NOS1AP: variants seen among roughly 807,000 people sequenced by gnomAD.
The protein encoded by NOS1AP is carboxyl-terminal PDZ ligand of neuronal nitric oxide synthase protein.
NOS1AP carries 21 observed loss-of-function variants against 56.2 expected under a neutral mutation model. That is an observed-to-expected ratio of 0.37 (90% CI 0.26 to 0.54). NOS1AP has a LOEUF of 0.54. NOS1AP is among the 20% of genes least tolerant of loss of function. NOS1AP has a pLI of 0.84. For missense variants in NOS1AP, 522 were observed against 657.8 expected, an observed-to-expected ratio of 0.79 and a Z score of 2.26; for synonymous variants, 270 against 274.6, an observed-to-expected ratio of 0.98 and a Z score of 0.17.
At position 162,287,701 on chromosome 1, in the gene NOS1AP, T is replaced by C. The variant is rs59636124; in HGVS notation, c.270+265T>C. Among the ~76,000 whole-genome samples the C allele has an allele frequency of 0.076, 11,442 of 151,338 alleles. 501 individuals carry two copies. The highest frequency in any genetic ancestry group is 0.11 in the Middle Eastern group (31 of 294). On this transcript the variant is annotated intron_variant, in intron 3 of 9. Coordinates refer to ENST00000361897, the MANE Select transcript of NOS1AP (RefSeq NM_014697.3). The stretch of plus-strand genomic sequence containing the variant: ...CTGTCATCCATGCCTTCAACCCCCC[T>C]CCCCATTTTCATACCTTTATCTTTG...
chr1:162,100,967 T>C (rs1647237607), intron 1 of NOS1AP, among the ~76,000 whole-genome samples: 1 of 152,256 alleles, frequency 6.6e-6, no homozygotes, highest in South Asian at 2.1e-4. Flanking sequence ...AAGTTTTGCT[T>C]CTGTTGCAAT....
intron 5 of NOS1AP, 24 bp from the exon 6 acceptor site, chr1:162,343,811 G>C (rs1557886002): frequency 1.2e-6 from 2 of 1,614,070 alleles, no homozygotes; most frequent in Middle Eastern, 1.7e-4. Flanking sequence ...CACCCATCCT[G>C]TTCTTCTCCT....
intron 5 of NOS1AP, chr1:162,342,556 A>G (rs371526380): frequency 1.4e-5 from 7 of 486,072 alleles, no homozygotes; most frequent in East Asian, 6.1e-5. Flanking sequence ...GATAGTAATA[A>G]GAAAGATGAG....
chr1:162,219,459 C>G (rs144556537), intron 2 of NOS1AP, among the ~76,000 whole-genome samples: 8 of 152,266 alleles, frequency 5.3e-5, no homozygotes, highest in South Asian at 2.1e-4. Flanking sequence ...TGTTCCTCTA[C>G]TGAGGTGGGG....
chr1:162,339,684 A>G (rs1003902513), intron 5 of NOS1AP, among the ~76,000 whole-genome samples: 2 of 152,248 alleles, frequency 1.3e-5, no homozygotes, highest in Non-Finnish European at 2.9e-5. Context: ...GACATGGCTA[A>G]TTAATGATAA....
At chr1:162,235,764 A>G (rs1653271222) in intron 2 of NOS1AP, among the ~76,000 whole-genome samples, 3 of 152,254 alleles carry the variant, frequency 2.0e-5, no homozygotes, top group African/African-American at 7.2e-5. Context: ...CTTGGTCCAC[A>G]TGGGGCCAGT....
At chr1:162,103,839 C>A (rs1219837559) in intron 1 of NOS1AP, among the ~76,000 whole-genome samples, 1 of 151,326 alleles carries the variant, frequency 6.6e-6, no homozygotes, top group African/African-American at 2.4e-5. Flanking sequence ...ACACAGCATA[C>A]CAATGGTTGG....
rs540158254 is a variant in NOS1AP at position 162,218,975 on chromosome 1, G to C, written c.177+64499G>C. ...CACATGCAGTTTTTGAACCATCTTA[G>C]GGCATTCACCACCGAGCCCAGGTGA... On this transcript the variant is annotated intron_variant, in intron 2 of 9. Coordinates refer to ENST00000361897, the MANE Select transcript of NOS1AP (RefSeq NM_014697.3). Among the ~76,000 whole-genome samples, 7 of 152,138 alleles carry C rather than the reference G, an allele frequency of 4.6e-5. No individual in the cohort carries two copies. In the South Asian group the frequency reaches 1.5e-3, roughly 32 times the overall value.
chr1:162,355,481 C>T (rs1056522021), intron 7 of NOS1AP, 128 bp downstream of exon 7: 3 of 1,129,222 alleles, frequency 2.7e-6, no homozygotes, highest in Non-Finnish European at 2.6e-6. Flanking sequence ...TGCCAGAGCG[C>T]ACTTCATTGC....
At chr1:162,136,680 A>G (rs1649018870) in intron 1 of NOS1AP, among the ~76,000 whole-genome samples, 1 of 152,176 alleles carries the variant, frequency 6.6e-6, no homozygotes, top group Non-Finnish European at 1.5e-5. Flanking sequence ...TCATGACAGG[A>G]AATTCAATGT....
Position 162,302,866 on chromosome 1 carries a change from T to C in NOS1AP, c.344+2160T>C, listed in dbSNP as rs535838226. 3.3e-5 allele frequency among the ~76,000 whole-genome samples: 5 copies of C among 152,306 alleles called. No individual in the cohort carries two copies. In the East Asian group the frequency reaches 5.8e-4, roughly 18 times the overall value. On this transcript the variant is annotated intron_variant, in intron 4 of 9. Transcript: ENST00000361897. ...AGCGACCACGATCTCCTTTCTGTTA[T>C]TGATGAGTTTGCATTTTCTAGAATT...
chr1:162,138,513 A>G (rs1046550036), intron 1 of NOS1AP, among the ~76,000 whole-genome samples: 1 of 152,216 alleles, frequency 6.6e-6, no homozygotes, highest in Non-Finnish European at 1.5e-5. Context: ...CCCCAGATCC[A>G]TCCTGGATAG....
At chr1:162,256,063 G>A (rs1245158099) in intron 2 of NOS1AP, among the ~76,000 whole-genome samples, 2 of 152,062 alleles carry the variant, frequency 1.3e-5, no homozygotes, top group Non-Finnish European at 2.9e-5. Context: ...AGAATTGCTT[G>A]AATCCACAAG....
intron 1 of NOS1AP, among the ~76,000 whole-genome samples, chr1:162,149,901 C>T (rs906442965): frequency 2.4e-4 from 36 of 152,138 alleles, no homozygotes; most frequent in East Asian, 5.8e-4. Flanking sequence ...ATTTTGATAC[C>T]GGCATGCAAT....
At chr1:162,364,985 C>T (rs1266855237) in intron 8 of NOS1AP, 3 of 1,051,690 alleles carry the variant, frequency 2.9e-6, no homozygotes, top group Non-Finnish European at 3.4e-6. Flanking sequence ...GAAGAGAGTG[C>T]CCCCTTCCAC....
At chr1:162,123,018 C>T (rs1648307840) in intron 1 of NOS1AP, among the ~76,000 whole-genome samples, 4 of 152,090 alleles carry the variant, frequency 2.6e-5, no homozygotes, top group Admixed American at 1.3e-4. Flanking sequence ...AGAATCTATT[C>T]GACGAGTATT....
chr1:162,364,386 T>C, intron 8 of NOS1AP: 6 of 985,460 alleles, frequency 6.1e-6, no homozygotes, highest in Non-Finnish European at 7.2e-6. Context: ...AACTCTTTAT[T>C]CACTTCTTTG....
intron 2 of NOS1AP, among the ~76,000 whole-genome samples, chr1:162,248,728 T>G (rs1653753629): frequency 6.6e-6 from 1 of 152,190 alleles, no homozygotes; most frequent in Non-Finnish European, 1.5e-5. Flanking sequence ...GTATGCCATT[T>G]TATTCACCCC....
intron 2 of NOS1AP, among the ~76,000 whole-genome samples, chr1:162,214,057 G>T (rs1237382393): frequency 6.6e-6 from 1 of 152,178 alleles, no homozygotes; most frequent in East Asian, 1.9e-4. Flanking sequence ...AGGGCTTAAG[G>T]CTTCTCAGTG....
Sources: gnomAD v4.1 joint callset for allele counts (sites outside exome capture counted in the v4.1 genomes callset) on GRCh38, gnomAD v4.1.1 for gene constraint, MANE v1.5 for transcripts, NCBI Gene and HGNC (gene_info 2026-07-23, HGNC 2026-07-21) for gene names.